KCNH1: variants seen among roughly 807,000 people sequenced by gnomAD.
The protein encoded by KCNH1 is voltage-gated delayed rectifier potassium channel KCNH1.
In KCNH1, 27 loss-of-function variants were observed where a neutral mutation model predicts 69.2. The ratio of observed to expected loss-of-function variants is 0.39; its 90% CI spans 0.29 to 0.54. The LOEUF (loss-of-function observed/expected upper bound fraction) is 0.54. KCNH1 is among the 20% of genes least tolerant of loss of function. The probability of loss-of-function intolerance (pLI) is 0.68; values close to 1 mark genes in which losing one functional copy is unlikely to be tolerated. For synonymous variants in KCNH1, 456 were observed against 487.7 expected (o/e 0.93, Z 0.86); for missense variants, 798 against 1,261.6 (o/e 0.63, Z 5.57).
chr1:210,706,118 C>CT (rs1404223610), intron 10 of KCNH1, among the ~76,000 whole-genome samples: 33 of 152,270 alleles, frequency 2.2e-4, no homozygotes, highest in African/African-American at 7.7e-4. Context: ...CCAATTAGTT[C>CT]TAAACCTCGT....
intron 6 of KCNH1, among the ~76,000 whole-genome samples, chr1:210,945,069 G>A (rs773444512): frequency 5.9e-5 from 9 of 152,152 alleles, no homozygotes; most frequent in Non-Finnish European, 1.2e-4. Context: ...GGCTCATCCA[G>A]GTTATAGCAT....
At chr1:211,023,039 A>T (rs1237518453) in intron 5 of KCNH1, among the ~76,000 whole-genome samples, 1 of 151,918 alleles carries the variant, frequency 6.6e-6, no homozygotes, top group Non-Finnish European at 1.5e-5. Flanking sequence ...TGAACCCGGG[A>T]GGCAGAGGTT....
At chr1:210,800,738 C>T (rs897409403) in intron 8 of KCNH1, among the ~76,000 whole-genome samples, 3 of 152,142 alleles carry the variant, frequency 2.0e-5, no homozygotes, top group Admixed American at 2.0e-4. Flanking sequence ...ACCTTTCCTA[C>T]TGCTAGGTTT....
chr1:210,934,383 G>A (rs570719043), intron 6 of KCNH1, among the ~76,000 whole-genome samples: 29 of 152,300 alleles, frequency 1.9e-4, no homozygotes, highest in Non-Finnish European at 3.1e-4. Flanking sequence ...GGCTGGGCGC[G>A]GTGGCTCACG....
intron 7 of KCNH1, among the ~76,000 whole-genome samples, chr1:210,810,518 G>A (rs1366576409): frequency 6.6e-6 from 1 of 151,972 alleles, no homozygotes; most frequent in Non-Finnish European, 1.5e-5. Context: ...CTGTGATGCA[G>A]ATGTTGGACT....
At chr1:210,810,990 C>G (rs1030978329) in intron 7 of KCNH1, among the ~76,000 whole-genome samples, 1 of 152,164 alleles carries the variant, frequency 6.6e-6, no homozygotes, top group Non-Finnish European at 1.5e-5. Flanking sequence ...ATGCTACCAA[C>G]TTTAGGACTG....
At chr1:210,914,622 G>A (rs1196991723) in intron 7 of KCNH1, among the ~76,000 whole-genome samples, 1 of 152,122 alleles carries the variant, frequency 6.6e-6, no homozygotes, top group Non-Finnish European at 1.5e-5. Context: ...TGTGTGCCCA[G>A]TTGCTATGTG....
rs60620622 is a variant in KCNH1 at position 211,060,400 on chromosome 1, CAAAAAAAAAAA to C, written c.558+22369_558+22379del. On this transcript the variant is annotated intron_variant, in intron 5 of 10. Transcript: ENST00000271751. ...TGGGCGACAGAGCGAGACTCCGTCT[CAAAAAAAAAAA>C]AAAAAAAAAAAAAAGAAATAAAAAA... Among the ~76,000 whole-genome samples the C allele has an allele frequency of 4.1e-3, 183 of 44,372 alleles. 2 individuals carry two copies. The highest frequency in any genetic ancestry group is 5.4e-3 in the Admixed American group (14 of 2,612). The allele number at this position is 44,372 out of a possible 152,430, so 29.1% of individuals were successfully genotyped here.
At chr1:210,787,250 AC>A (rs1558469380) in intron 9 of KCNH1, among the ~76,000 whole-genome samples, 1 of 150,346 alleles carries the variant, frequency 6.7e-6, no homozygotes, top group Non-Finnish European at 1.5e-5. Flanking sequence ...TCCCTTTGCA[AC>A]CCCCCACAGC....
chr1:210,877,066 A>AT (rs1348273286), intron 7 of KCNH1, among the ~76,000 whole-genome samples: 2 of 62,456 alleles, frequency 3.2e-5, no homozygotes, highest in African/African-American at 6.4e-5. Context: ...AATCCTCTGA[A>AT]TTAAAAAAAA....
intron 10 of KCNH1, among the ~76,000 whole-genome samples, chr1:210,728,767 AG>A (rs1335044791): frequency 6.6e-6 from 1 of 152,242 alleles, no homozygotes; most frequent in Admixed American, 6.5e-5. Context: ...CCCCTTAGGT[AG>A]AAAGTACAGC....
At chr1:211,132,844 T>G (rs1691900284) in intron 1 of KCNH1, 1 of 152,204 alleles carries the variant, frequency 6.6e-6, no homozygotes, top group Admixed American at 6.5e-5. Flanking sequence ...TGCTTGGCTA[T>G]CTTTCAATAT....
At chr1:210,977,504 C>A (rs56378855) in intron 6 of KCNH1, among the ~76,000 whole-genome samples, 2,560 of 151,896 alleles carry the variant, frequency 0.017, 72 homozygotes, top group African/African-American at 0.059. Context: ...ACCCTCAGCT[C>A]CCGGTAACCA....
At chr1:210,705,619 T>C (rs1259828298) in intron 10 of KCNH1, among the ~76,000 whole-genome samples, 1 of 152,138 alleles carries the variant, frequency 6.6e-6, no homozygotes, top group Non-Finnish European at 1.5e-5. Flanking sequence ...TCTGACACCA[T>C]TGCTTTGAAG....
In KCNH1 at chr1:211,120,789, T is replaced by C. The variant is rs140511778; in HGVS notation, c.79+13078A>G. 6.9e-3 allele frequency among the ~76,000 whole-genome samples: 1,048 copies of C among 152,274 alleles called. 3 individuals carry two copies. Among genetic ancestry groups the C allele is most frequent in the Non-Finnish European group, 0.012 (847 of 68,026 alleles). ...ATTTTATGTTTAGAAAACACCATCA[T>C]CTCAGCCCAAAAACTTCTTGAATTG... On this transcript the variant is annotated intron_variant, in intron 1 of 10. Transcript: ENST00000271751.
At chr1:211,083,076 G>A (rs551687371) in intron 4 of KCNH1, among the ~76,000 whole-genome samples, 178 bp from the exon 5 acceptor site, 1 of 152,312 alleles carries the variant, frequency 6.6e-6, no homozygotes, top group East Asian at 1.9e-4. Context: ...CTTGTGTGTC[G>A]CAACTTGCTT....
intron 7 of KCNH1, among the ~76,000 whole-genome samples, chr1:210,895,183 A>T (rs1686839271): frequency 6.7e-6 from 1 of 148,254 alleles, no homozygotes. Context: ...TTCAGGCAAG[A>T]GGGTAAATCT....
chr1:211,078,297 C>T (rs1190350038), intron 5 of KCNH1, among the ~76,000 whole-genome samples: 57 of 152,164 alleles, frequency 3.7e-4, no homozygotes, highest in Admixed American at 3.7e-3. Context: ...ACTCTCCACC[C>T]CAAATCAACA....
chr1:210,796,552 C>T (rs185651910), intron 9 of KCNH1, among the ~76,000 whole-genome samples: 22 of 152,216 alleles, frequency 1.4e-4, no homozygotes, highest in Admixed American at 1.4e-3. Flanking sequence ...CCAACACGTT[C>T]CCCCGCATCC....
Sources: gnomAD v4.1 joint callset for allele counts (sites outside exome capture counted in the v4.1 genomes callset) on GRCh38, gnomAD v4.1.1 for gene constraint, MANE v1.5 for transcripts, NCBI Gene and HGNC (gene_info 2026-07-23, HGNC 2026-07-21) for gene names.